The following SGCZ variants were observed in gnomAD, a reference collection of about 807,000 sequenced individuals.
The protein encoded by SGCZ is sarcoglycan zeta, also known as zeta-sarcoglycan.
A neutral mutation model predicts 41.3 loss-of-function variants in SGCZ; 40 were observed. The observed-to-expected ratio is 0.97, with a 90% CI of 0.75 to 1.26. SGCZ has a LOEUF of 1.26. SGCZ is among the 50% of genes most tolerant of loss of function. The pLI is 0.00. For synonymous variants in SGCZ, 206 were observed against 137.5 expected (o/e 1.50, Z -3.49); for missense variants, 552 against 369.8 (o/e 1.49, Z -4.04).
At chr8:14,931,757 CT>C (rs751584526) in intron 1 of SGCZ, among the ~76,000 whole-genome samples, 3 of 151,990 alleles carry the variant, frequency 2.0e-5, no homozygotes, top group Admixed American at 2.0e-4. Context: ...TTAAAAAGAG[CT>C]TTGTCCAAGG....
intron 7 of SGCZ, among the ~76,000 whole-genome samples, chr8:14,100,387 A>G (rs375775947): frequency 1.1e-4 from 17 of 150,882 alleles, no homozygotes; most frequent in African/African-American, 3.6e-4. Flanking sequence ...AATTTGAATG[A>G]AAGTTACCAT....
At chr8:14,321,363 A>G (rs1044739161) in intron 3 of SGCZ, among the ~76,000 whole-genome samples, 12 of 152,070 alleles carry the variant, frequency 7.9e-5, no homozygotes, top group African/African-American at 2.7e-4. Context: ...ATAGAACCTT[A>G]AAAGTCTGTA....
At chr8:14,117,179 A>C (rs1447845125) in intron 5 of SGCZ, among the ~76,000 whole-genome samples, 1 of 152,144 alleles carries the variant, frequency 6.6e-6, no homozygotes, top group Non-Finnish European at 1.5e-5. Flanking sequence ...ATAATGCATT[A>C]GAGATGAGCA....
intron 1 of SGCZ, among the ~76,000 whole-genome samples, chr8:14,723,488 G>A (rs1195660006): frequency 4.6e-5 from 7 of 152,220 alleles, no homozygotes; most frequent in African/African-American, 1.2e-4. Context: ...CTTAGCAGGC[G>A]TGGAGCTGGG....
intron 4 of SGCZ, among the ~76,000 whole-genome samples, chr8:14,219,605 G>T (rs1325104971): frequency 6.6e-6 from 1 of 152,096 alleles, no homozygotes; most frequent in Admixed American, 6.6e-5. Flanking sequence ...AAATTAGCTG[G>T]GCGTGGTGGC....
intron 3 of SGCZ, among the ~76,000 whole-genome samples, chr8:14,312,864 A>C (rs190970463): frequency 2.5e-4 from 38 of 152,314 alleles, no homozygotes; most frequent in African/African-American, 9.1e-4. Flanking sequence ...CACAGCATGA[A>C]TCTGAAGAAA....
At chr8:14,748,086 A>G (rs2247676) in intron 1 of SGCZ, among the ~76,000 whole-genome samples, 41,368 of 151,846 alleles carry the variant, frequency 0.27, 6,472 homozygotes, top group Non-Finnish European at 0.36. Context: ...CGTGGCATGT[A>G]AGAATCACAT....
intron 1 of SGCZ, among the ~76,000 whole-genome samples, chr8:14,857,774 G>A (rs927308610): frequency 6.6e-6 from 1 of 152,150 alleles, no homozygotes; most frequent in African/African-American, 2.4e-5. Flanking sequence ...GCTCAGGCAG[G>A]ACAATTGCTT....
At chr8:14,646,921 A>T (rs76923366) in intron 1 of SGCZ, among the ~76,000 whole-genome samples, 16,345 of 151,950 alleles carry the variant, frequency 0.11, 1,071 homozygotes, top group African/African-American at 0.19. Context: ...AAGACTTTAT[A>T]CTTCTTTTAA....
At chr8:14,826,025 T>C (rs1363020487) in intron 1 of SGCZ, among the ~76,000 whole-genome samples, 1 of 151,972 alleles carries the variant, frequency 6.6e-6, no homozygotes, top group Non-Finnish European at 1.5e-5. Flanking sequence ...GCCATGTTGG[T>C]GTGCTGCACC....
intron 1 of SGCZ, among the ~76,000 whole-genome samples, chr8:14,595,239 A>C (rs1038363469): frequency 1.3e-5 from 2 of 152,202 alleles, no homozygotes; most frequent in Non-Finnish European, 2.9e-5. Context: ...GGCAAGATTA[A>C]ATACAAGTCA....
At chr8:15,168,730 GCTTT>G (rs1799739952) in intron 1 of SGCZ, among the ~76,000 whole-genome samples, 2 of 152,174 alleles carry the variant, frequency 1.3e-5, no homozygotes, top group African/African-American at 4.8e-5. Context: ...TTTGAAAAGT[GCTTT>G]CTTTTTCTTT....
chr8:14,157,074 T>C (rs1803897317), intron 5 of SGCZ, among the ~76,000 whole-genome samples: 1 of 152,096 alleles, frequency 6.6e-6, no homozygotes, highest in South Asian at 2.1e-4. Context: ...TAGTTTTCTA[T>C]GACTGGCTGC....
intron 1 of SGCZ, among the ~76,000 whole-genome samples, chr8:14,669,444 A>G (rs113461565): frequency 1.5e-3 from 230 of 152,088 alleles, no homozygotes; most frequent in African/African-American, 5.2e-3. Context: ...TGAATAACTA[A>G]AAGTTTGTAT....
rs142321848 is a variant in SGCZ at position 14,278,206 on chromosome 8, G to A, written c.337-40527C>T. Among the ~76,000 whole-genome samples, 19 of 151,938 alleles carry A rather than the reference G, an allele frequency of 1.3e-4. No homozygotes were observed. In the East Asian group the frequency reaches 3.1e-3, roughly 25 times the overall value. On this transcript the variant is annotated intron_variant, in intron 3 of 7. Transcript: ENST00000382080. ...AAAATTGCCTACAGTCCCACATATCGCCCCTCCTCCGTAAGGTATTTAAGC... is the reference window on the plus strand; with the variant it reads ...AAAATTGCCTACAGTCCCACATATCACCCCTCCTCCGTAAGGTATTTAAGC...
chr8:14,156,262 A>T (rs1803873146), intron 5 of SGCZ, among the ~76,000 whole-genome samples: 2 of 152,132 alleles, frequency 1.3e-5, no homozygotes, highest in Admixed American at 6.5e-5. Flanking sequence ...GATGGAGACC[A>T]TCCTGGCTAA....
In SGCZ at chr8:14,227,377, T is replaced by C. The variant is rs549168015; in HGVS notation, c.424+10215A>G. ...GAAGGAAAGACATTAAACAATAGAC[T>C]GATGGGTTTGTGAGCATGTTGAAAA... is the stretch of plus-strand genomic sequence containing the variant. On this transcript the variant is annotated intron_variant, in intron 4 of 7. Transcript: ENST00000382080. Among the ~76,000 whole-genome samples the C allele has an allele frequency of 1.3e-3, 191 of 152,188 alleles. 1 individual carries two copies. Among genetic ancestry groups the C allele is most frequent in the African/African-American group, 4.3e-3 (179 of 41,536 alleles).
At chr8:15,011,080 C>T (rs1425940857) in intron 1 of SGCZ, among the ~76,000 whole-genome samples, 1 of 152,094 alleles carries the variant, frequency 6.6e-6, no homozygotes, top group Non-Finnish European at 1.5e-5. Context: ...ATGGACAAAG[C>T]CAATCTTATC....
intron 1 of SGCZ, among the ~76,000 whole-genome samples, chr8:14,922,516 G>A (rs944626638): frequency 4.6e-5 from 7 of 151,900 alleles, no homozygotes; most frequent in African/African-American, 7.3e-5. Flanking sequence ...GTGCAATGGC[G>A]CGATTTCGGC....
Sources: gnomAD v4.1 joint callset for allele counts (sites outside exome capture counted in the v4.1 genomes callset) on GRCh38, gnomAD v4.1.1 for gene constraint, MANE v1.5 for transcripts, NCBI Gene and HGNC (gene_info 2026-07-23, HGNC 2026-07-21) for gene names.